TESK2: variants seen among roughly 807,000 people sequenced by gnomAD.
TESK2 encodes the protein dual specificity testis-specific protein kinase 2.
Under a neutral mutation model 57.1 loss-of-function variants are expected in TESK2, and 39 were observed. That is an observed-to-expected ratio of 0.68 (90% CI 0.53 to 0.89). The LOEUF (loss-of-function observed/expected upper bound fraction) is 0.89, where lower values mean the gene tolerates loss of function less well. Among genes scored for constraint, TESK2 ranks in the 40% least tolerant of loss-of-function variants. The probability of loss-of-function intolerance (pLI) is 0.00; values close to 1 mark genes in which losing one functional copy is unlikely to be tolerated. For synonymous variants in TESK2, 249 were observed against 267.9 expected, an observed-to-expected ratio of 0.93 and a Z score of 0.69; for missense variants, 646 against 732.1, an observed-to-expected ratio of 0.88 and a Z score of 1.36.
At chr1:45,445,924 C>T (rs1245198419) in intron 2 of TESK2, among the ~76,000 whole-genome samples, 1 of 152,126 alleles carries the variant, frequency 6.6e-6, no homozygotes, top group African/African-American at 2.4e-5. Flanking sequence ...TCAAATTTTA[C>T]TCAGCTCTTT....
intron 1 of TESK2, among the ~76,000 whole-genome samples, chr1:45,461,555 G>C (rs985233461): frequency 2.0e-5 from 3 of 152,116 alleles, no homozygotes; most frequent in African/African-American, 7.2e-5. Flanking sequence ...CACTATGAGA[G>C]CTGTAGAAAG....
rs1651151666 is a variant in TESK2 at position 45,435,320 on chromosome 1, G to A, written c.223-13474C>T. Among the ~76,000 whole-genome samples, 8 of 152,098 alleles carry A rather than the reference G, an allele frequency of 5.3e-5. No individual in the cohort carries two copies. The South Asian group carries it at 1.7e-3, about 32-fold the overall frequency. On this transcript the variant is annotated intron_variant, in intron 2 of 10. Transcript: ENST00000372086. Reference sequence around the variant, plus strand: ...TTTTTTGTATTGTTTGCAGAGACAGGGTTTCACCACGTTGGCCAGGCTAGT... The same window carrying A: ...TTTTTTGTATTGTTTGCAGAGACAGAGTTTCACCACGTTGGCCAGGCTAGT...
chr1:45,444,112 A>G (rs930127558), intron 2 of TESK2, among the ~76,000 whole-genome samples: 1 of 151,814 alleles, frequency 6.6e-6, no homozygotes, highest in African/African-American at 2.4e-5. Flanking sequence ...TCAGGAGTTC[A>G]AAGTTACAGT....
intron 3 of TESK2, chr1:45,413,916 G>C (rs376035144): frequency 4.5e-6 from 2 of 445,926 alleles, no homozygotes; most frequent in African/African-American, 4.0e-5. Flanking sequence ...AATAGACTAA[G>C]AGCCATACTA....
chr1:45,431,945 G>GA (rs1306475497), intron 2 of TESK2, among the ~76,000 whole-genome samples: 1 of 151,892 alleles, frequency 6.6e-6, no homozygotes, highest in Non-Finnish European at 1.5e-5. Flanking sequence ...GCAAGAACCA[G>GA]AAAATAAAAA....
intron 3 of TESK2, 97 bp from the exon 4 acceptor site, chr1:45,386,057 C>T (rs1418868329): frequency 3.5e-6 from 3 of 855,186 alleles, no homozygotes; most frequent in South Asian, 1.6e-5. Flanking sequence ...TAGAAACAAC[C>T]TGTGGGGTGC....
chr1:45,348,039 A>G (rs1188098116), intron 5 of TESK2, 39 bp from the exon 6 acceptor site: 1 of 1,365,536 alleles, frequency 7.3e-7, no homozygotes. Flanking sequence ...AATGTGGCTC[A>G]GAAGCGGGGA....
At chr1:45,484,420 T>C (rs1653370430) in intron 1 of TESK2, among the ~76,000 whole-genome samples, 1 of 151,948 alleles carries the variant, frequency 6.6e-6, no homozygotes, top group Non-Finnish European at 1.5e-5. Context: ...TATATTCTTA[T>C]TTGTAAGCAT....
chr1:45,418,099 C>G (rs769820160), intron 3 of TESK2, among the ~76,000 whole-genome samples: 1 of 152,078 alleles, frequency 6.6e-6, no homozygotes. Context: ...AATGCTAATA[C>G]TAGTTTTAGC....
At chr1:45,416,072 CTTTTTTTTTTTTTT>C (rs34785518) in intron 3 of TESK2, among the ~76,000 whole-genome samples, 8 of 59,282 alleles carry the variant, frequency 1.3e-4, no homozygotes, top group African/African-American at 6.3e-4. Context: ...AATCTAGAGC[CTTTTTTTTTTTTTT>C]TTTTTTTTTT....
chr1:45,421,922 A>C, intron 2 of TESK2, 76 bp from the exon 3 acceptor site: 1 of 1,504,022 alleles, frequency 6.6e-7, no homozygotes, highest in South Asian at 1.2e-5. Context: ...CCAAATGTAC[A>C]ATATGCCAAG....
chr1:45,437,238 A>G (rs1447450259), intron 2 of TESK2, among the ~76,000 whole-genome samples: 1 of 152,092 alleles, frequency 6.6e-6, no homozygotes, highest in Admixed American at 6.6e-5. Context: ...TTCTTTCATT[A>G]GCGTTTTGCA....
At chr1:45,352,198 T>C (rs1260913082) in intron 5 of TESK2, among the ~76,000 whole-genome samples, 3 of 152,192 alleles carry the variant, frequency 2.0e-5, no homozygotes, top group African/African-American at 7.2e-5. Context: ...CTTCCCAGCC[T>C]TCCTCTAGAG....
chr1:45,449,799 T>C (rs1350998722), intron 2 of TESK2, among the ~76,000 whole-genome samples: 1 of 152,208 alleles, frequency 6.6e-6, no homozygotes, highest in Non-Finnish European at 1.5e-5. Flanking sequence ...CTCGAGTTTA[T>C]TTCAGTGTTT....
At chr1:45,384,993 G>A (rs540578956) in intron 4 of TESK2, among the ~76,000 whole-genome samples, 1 of 152,138 alleles carries the variant, frequency 6.6e-6, no homozygotes, top group Non-Finnish European at 1.5e-5. Flanking sequence ...TCTTTCATAA[G>A]CTATTAAGGA....
Position 45,344,875 on chromosome 1 carries a change from T to C in TESK2, c.1681A>G (p.Ile561Val). 2 of 1,613,562 alleles carry C rather than the reference T, an allele frequency of 1.2e-6. No individual in the cohort carries two copies. The highest frequency in any genetic ancestry group is 1.7e-6 in the Non-Finnish European group (2 of 1,180,028). Residue 561 changes from isoleucine to valine, a missense_variant, in exon 11 of 11, where the codon ATA becomes GTA. By Grantham distance (29) the Ile-to-Val change is conservative. Transcript: ENST00000372086. ...STPATFSTSG[I>V]GLQTQGKQDG ...TGCTTTCCCTGGGTTTGCAGGCCTA[T>C]GCCTGAGGTGGAGAAGGTGGCTGGA...
At chr1:45,446,525 A>C (rs1297528513) in intron 2 of TESK2, among the ~76,000 whole-genome samples, 1 of 152,136 alleles carries the variant, frequency 6.6e-6, no homozygotes, top group African/African-American at 2.4e-5. Flanking sequence ...CATATATTAG[A>C]AAATATGAAA....
At chr1:45,353,024 G>A (rs533536273) in intron 5 of TESK2, among the ~76,000 whole-genome samples, 3 of 151,972 alleles carry the variant, frequency 2.0e-5, no homozygotes, top group Admixed American at 1.3e-4. Flanking sequence ...TCAGCCTCCC[G>A]AGTAGCTGGG....
chr1:45,354,196 T>C (rs546505075), intron 5 of TESK2, among the ~76,000 whole-genome samples: 101 of 152,230 alleles, frequency 6.6e-4, no homozygotes, highest in Non-Finnish European at 1.2e-3. Flanking sequence ...ATGAAGGCTC[T>C]CAAGATGTAT....
Sources: gnomAD v4.1 joint callset for allele counts (sites outside exome capture counted in the v4.1 genomes callset) on GRCh38, gnomAD v4.1.1 for gene constraint, MANE v1.5 for transcripts, NCBI Gene and HGNC (gene_info 2026-07-23, HGNC 2026-07-21) for gene names.